The following UVSSA variants were observed in gnomAD, a reference collection of about 807,000 sequenced individuals.
UVSSA encodes UV stimulated scaffold protein A.
In UVSSA, 72 loss-of-function variants were observed where a neutral mutation model predicts 73.9. The ratio of observed to expected loss-of-function variants is 0.97; its 90% CI spans 0.81 to 1.19. The LOEUF is 1.19. UVSSA is among the 50% of genes most tolerant of loss of function. The pLI, the probability that UVSSA is intolerant of heterozygous loss-of-function variation, is 0.00. For missense variants in UVSSA, 1,150 were observed against 965.0 expected (o/e 1.19, Z -2.54); for synonymous variants, 454 against 391.3 (o/e 1.16, Z -1.89).
chr4:1,384,195 G>A (rs570126217), intron 13 of UVSSA: 13 of 498,316 alleles, frequency 2.6e-5, no homozygotes, highest in African/African-American at 1.4e-4. Flanking sequence ...GCCAGGCACC[G>A]CCATCCTCGC....
chr4:1,370,409 C>T (rs1040411630), intron 8 of UVSSA, among the ~76,000 whole-genome samples: 1 of 152,242 alleles, frequency 6.6e-6, no homozygotes, highest in Non-Finnish European at 1.5e-5. Context: ...CCGGTGTCTC[C>T]CGGGTGCGCG....
At position 1,353,203 on chromosome 4, in the gene UVSSA, A is replaced by G; in HGVS notation, c.724A>G (p.Thr242Ala). The G allele has an allele frequency of 6.2e-7, 1 of 1,612,500 alleles. No homozygotes were observed. The highest frequency in any genetic ancestry group is 8.5e-7 in the Non-Finnish European group (1 of 1,179,908). The change falls in exon 5 of 14, where the codon ACC becomes GCC. Residue 242 changes from threonine to alanine, a missense_variant. Coordinates refer to ENST00000389851, the MANE Select transcript of UVSSA (RefSeq NM_020894.4). The part of the protein sequence containing the change: ...AGQVGPCRSG[T>A]PDPRDGEQPC... Reference sequence around the variant, plus strand: ...CCAGGTGGGCCCCTGCCGGTCTGGCACCCCTGACCCCCGGGACGGGGAGCA... The same window carrying G: ...CCAGGTGGGCCCCTGCCGGTCTGGCGCCCCTGACCCCCGGGACGGGGAGCA...
rs1213931941 is a variant in UVSSA at position 1,394,413 on chromosome 4, T to G, written c.*8452T>G. On this transcript the variant is annotated 3_prime_UTR_variant, in exon 14 of 14. Coordinates refer to the UVSSA transcript ENST00000511216. ...ACTTTTATGGGTTTCATTTTCATAT[T>G]GAAATCATTGATCTACTTCTAGTTT... The G allele has an allele frequency of 3.8e-6, 6 of 1,564,676 alleles. No homozygotes were observed. The East Asian group carries it at 1.4e-4, about 35-fold the overall frequency.
intron 12 of UVSSA, among the ~76,000 whole-genome samples, chr4:1,382,775 G>A (rs1242540740): frequency 6.6e-6 from 1 of 152,236 alleles, no homozygotes; most frequent in Non-Finnish European, 1.5e-5. Context: ...CGTCCGAGAT[G>A]TGGGCATTCC....
chr4:1,378,326 G>T (rs1719020842), intron 10 of UVSSA, among the ~76,000 whole-genome samples: 1 of 152,240 alleles, frequency 6.6e-6, no homozygotes, highest in Admixed American at 6.5e-5. Flanking sequence ...GCCAAGGCAG[G>T]TGGATCACTT....
chr4:1,367,850 C>G (rs1717535367), intron 8 of UVSSA, among the ~76,000 whole-genome samples: 1 of 151,302 alleles, frequency 6.6e-6, no homozygotes, highest in African/African-American at 2.4e-5. Context: ...TCCCCTGTCC[C>G]CACCCCACAC....
At chr4:1,371,201 G>T (rs1490306307) in intron 8 of UVSSA, among the ~76,000 whole-genome samples, 1 of 152,072 alleles carries the variant, frequency 6.6e-6, no homozygotes, top group African/African-American at 2.4e-5. Context: ...ACAAAAGAAG[G>T]CCTGCACGCT....
chr4:1,378,423 T>C (rs1277803829), intron 10 of UVSSA, among the ~76,000 whole-genome samples: 2 of 152,086 alleles, frequency 1.3e-5, no homozygotes, highest in Non-Finnish European at 2.9e-5. Context: ...CGTGGTGGCG[T>C]GCGCCTGTAA....
intron 12 of UVSSA, among the ~76,000 whole-genome samples, chr4:1,381,811 A>G (rs1719536933): frequency 6.6e-6 from 1 of 150,826 alleles, no homozygotes; most frequent in South Asian, 2.1e-4. Flanking sequence ...AGCTGGAATT[A>G]TCATGCCACC....
chr4:1,366,281 G>A, intron 7 of UVSSA, 39 bp from the exon 8 acceptor site: 2 of 1,518,808 alleles, frequency 1.3e-6, no homozygotes, highest in Non-Finnish European at 1.8e-6. Context: ...TCATACACAG[G>A]GTCTGGGGGT....
intron 7 of UVSSA, among the ~76,000 whole-genome samples, chr4:1,360,136 G>A (rs1363807344): frequency 3.3e-5 from 5 of 152,186 alleles, no homozygotes; most frequent in Non-Finnish European, 7.4e-5. Context: ...CACGCCGAAG[G>A]CCAAGCCGCT....
At chr4:1,380,418 G>A (rs1027024837) in intron 11 of UVSSA, among the ~76,000 whole-genome samples, 188 bp downstream of exon 11, 1 of 152,206 alleles carries the variant, frequency 6.6e-6, no homozygotes, top group Non-Finnish European at 1.5e-5. Context: ...ATGGTGTCTG[G>A]GGCTCCTGCC....
At chr4:1,375,995 C>A (rs758368410) in intron 9 of UVSSA, 39 bp from the exon 10 acceptor site, 2 of 1,567,288 alleles carry the variant, frequency 1.3e-6, no homozygotes, top group Admixed American at 1.8e-5. Flanking sequence ...GTGGGTGGCA[C>A]CAGCAGCACC....
At chr4:1,362,709 C>T (rs1373339547) in intron 7 of UVSSA, among the ~76,000 whole-genome samples, 1 of 152,210 alleles carries the variant, frequency 6.6e-6, no homozygotes, top group African/African-American at 2.4e-5. Flanking sequence ...TGGCTCTTGC[C>T]TGTCACCACT....
rs779937064 is a variant in UVSSA, at chr4:1,380,927, G to A, written c.1800G>A (p.Pro600=). 3.7e-6 allele frequency: 6 copies of A among 1,612,934 alleles called. No individual in the cohort carries two copies. Among genetic ancestry groups the A allele is most frequent in the Admixed American group, 1.7e-5 (1 of 59,998 alleles). The part of the protein sequence containing the change: ...KIVPRDDEGR[P]LDPEDRAREQ... Reference sequence around the variant, plus strand: ...TTCCACGGGACGACGAAGGACGGCCGCTCGACCCGGAAGACAGGGCTCGTG... The same window carrying A: ...TTCCACGGGACGACGAAGGACGGCCACTCGACCCGGAAGACAGGGCTCGTG... The change falls in exon 12 of 14, where the codon CCG becomes CCA. Residue 600 remains proline, a synonymous_variant. Coordinates refer to ENST00000389851, the MANE Select transcript of UVSSA (RefSeq NM_020894.4).
In UVSSA at chr4:1,348,135, CAGG is replaced by C. The variant is rs757409533; in HGVS notation, c.47_49del (p.Gly16del). On this transcript the variant is annotated inframe_deletion, in exon 2 of 14. Transcript: ENST00000389851. ...AAGTTGGTAGAAGAGCTCACAACTT[CAGG>C]AGAACCCCGACTAAATCCTGAGAAA... 6.8e-6 allele frequency: 11 copies of C among 1,613,768 alleles called. No individual in the cohort carries two copies. The highest frequency in any genetic ancestry group is 8.5e-6 in the Non-Finnish European group (10 of 1,180,000).
intron 10 of UVSSA, among the ~76,000 whole-genome samples, chr4:1,376,923 G>A (rs1329003755): frequency 2.0e-5 from 3 of 152,200 alleles, no homozygotes; most frequent in Non-Finnish European, 4.4e-5. Context: ...AGAGGGCAGA[G>A]GTGGGTCCCC....
intron 4 of UVSSA, among the ~76,000 whole-genome samples, chr4:1,352,394 G>T (rs531055343): frequency 1.0e-3 from 159 of 152,234 alleles, no homozygotes; most frequent in Non-Finnish European, 1.8e-3. Context: ...CAGGCCACTG[G>T]AAACGCAGGC....
chr4:1,361,734 A>G (rs1300340349), intron 7 of UVSSA, among the ~76,000 whole-genome samples: 3 of 152,240 alleles, frequency 2.0e-5, no homozygotes, highest in African/African-American at 7.2e-5. Context: ...CGACCATCAC[A>G]GCTGAGCACG....
Sources: gnomAD v4.1 joint callset for allele counts (sites outside exome capture counted in the v4.1 genomes callset) on GRCh38, gnomAD v4.1.1 for gene constraint, MANE v1.5 for transcripts, NCBI Gene and HGNC (gene_info 2026-07-23, HGNC 2026-07-21) for gene names.